ACAD10: variants seen among roughly 807,000 people sequenced by gnomAD.
ACAD10 encodes the protein acyl-CoA dehydrogenase family member 10, also known as ACAD-10.
In ACAD10, 112 loss-of-function variants were observed where a neutral mutation model predicts 116.8. The ratio of observed to expected loss-of-function variants is 0.96; its 90% CI spans 0.82 to 1.12. The LOEUF (loss-of-function observed/expected upper bound fraction) is 1.12. Among genes scored for constraint, ACAD10 ranks in the 50% most tolerant of loss-of-function variants. The pLI, the probability that ACAD10 is intolerant of heterozygous loss-of-function variation, is 0.00. For missense variants in ACAD10, 1,259 were observed against 1,350.2 expected (o/e 0.93, Z 1.06); for synonymous variants, 486 against 510.6 (o/e 0.95, Z 0.65).
chr12:111,746,810 G>A (rs1028617337), intron 14 of ACAD10, among the ~76,000 whole-genome samples: 2 of 152,210 alleles, frequency 1.3e-5, no homozygotes, highest in African/African-American at 4.8e-5. Context: ...ACACCAGCGT[G>A]TGCAACATAG....
At chr12:111,716,230 G>A (rs1566150726) in intron 7 of ACAD10, among the ~76,000 whole-genome samples, 2 of 151,970 alleles carry the variant, frequency 1.3e-5, no homozygotes, top group East Asian at 3.9e-4. Flanking sequence ...AAAAAGCCTG[G>A]GTGTGCTGGC....
Position 111,746,137 on chromosome 12 carries a change from A to G in ACAD10, c.2116-7A>G. 6.2e-7 allele frequency: 1 copy of G among 1,604,222 alleles called. No homozygotes were observed. Among genetic ancestry groups the G allele is most frequent in the Admixed American group, 1.8e-5 (1 of 56,214 alleles). ...TGTGGTTTCCTGACTTATTTTCCCC[A>G]TGATAGGAGAAAGCCAAAGCTGAAG... On this transcript the variant is annotated splice_polypyrimidine_tract_variant and splice_region_variant and intron_variant, in intron 13 of 20. Coordinates refer to ENST00000313698, the MANE Select transcript of ACAD10 (RefSeq NM_025247.6).
intron 8 of ACAD10, among the ~76,000 whole-genome samples, chr12:111,723,300 G>A (rs1282103845): frequency 4.4e-5 from 6 of 137,188 alleles, no homozygotes; most frequent in African/African-American, 8.2e-5. Flanking sequence ...CCCAGACGGG[G>A]CGGCTGGCCG....
intron 2 of ACAD10, 71 bp from the exon 3 acceptor site, chr12:111,702,091 A>G (rs1566143472): frequency 6.7e-7 from 1 of 1,501,972 alleles, no homozygotes; most frequent in East Asian, 2.3e-5. Flanking sequence ...CTGGTATGGT[A>G]ATTTTCCTGA....
chr12:111,711,906 G>T (rs948158215), intron 5 of ACAD10, among the ~76,000 whole-genome samples: 3 of 152,172 alleles, frequency 2.0e-5, no homozygotes, highest in African/African-American at 7.2e-5. Context: ...ATTTGCCTTG[G>T]CCTGCTAATA....
In ACAD10 at chr12:111,709,574, T is replaced by A; in HGVS notation, c.580T>A (p.Tyr194Asn). Residue 194 changes from tyrosine (Y) to asparagine (N), a missense_variant, in exon 5 of 21, where the codon TAC (tyrosine) becomes AAC (asparagine). Physicochemically the swap from Tyr to Asn is moderately radical, Grantham distance 143. Transcript: ENST00000313698. Reference protein sequence around the residue: ...EGICKPDPRIYKLCLEQLGLQ... With the variant: ...EGICKPDPRINKLCLEQLGLQ... ...GATCTGTAAGCCAGACCCTAGGATC[T>A]ACAAGCTGTGCTTGGAGCAGCTCGG... 5.6e-6 allele frequency: 9 copies of A among 1,613,562 alleles called. No homozygotes were observed. The highest frequency in any genetic ancestry group is 7.6e-6 in the Non-Finnish European group (9 of 1,179,780).
chr12:111,731,583 C>T (rs553844068), intron 10 of ACAD10, among the ~76,000 whole-genome samples: 12 of 152,276 alleles, frequency 7.9e-5, no homozygotes, highest in Admixed American at 5.9e-4. Flanking sequence ...GTCTGAGCAC[C>T]CCCTCCCCTA....
At chr12:111,735,045 A>C (rs1442399828) in intron 11 of ACAD10, among the ~76,000 whole-genome samples, 2 of 152,030 alleles carry the variant, frequency 1.3e-5, no homozygotes, top group African/African-American at 4.8e-5. Flanking sequence ...AACATGGTGA[A>C]ACCCCGTCTC....
chr12:111,751,848 C>T (rs1277203652), intron 18 of ACAD10, among the ~76,000 whole-genome samples: 1 of 151,620 alleles, frequency 6.6e-6, no homozygotes. Context: ...CACCTGAGGT[C>T]GGGAGTTCGA....
chr12:111,744,532 C>A, intron 12 of ACAD10, 111 bp from the exon 13 acceptor site: 1 of 1,341,590 alleles, frequency 7.5e-7, no homozygotes, highest in South Asian at 1.4e-5. Flanking sequence ...TGGTACTTAG[C>A]AAGTGCTCAG....
chr12:111,746,855 G>A (rs1307874586), intron 14 of ACAD10, among the ~76,000 whole-genome samples, 194 bp from the exon 15 acceptor site: 2 of 152,128 alleles, frequency 1.3e-5, no homozygotes, highest in Non-Finnish European at 2.9e-5. Flanking sequence ...AAAATTAATC[G>A]GGTGTGATGG....
intron 8 of ACAD10, among the ~76,000 whole-genome samples, chr12:111,724,890 A>AGGGAGAGGGAGACCGTG (rs1889169422): frequency 6.6e-6 from 1 of 150,474 alleles, no homozygotes; most frequent in South Asian, 2.1e-4. Flanking sequence ...GTGGAAAGAG[A>AGGGAGAGGGAGACCGTG]GGGAGAGGGA....
At chr12:111,722,587 C>G (rs999974839) in intron 8 of ACAD10, among the ~76,000 whole-genome samples, 1 of 151,650 alleles carries the variant, frequency 6.6e-6, no homozygotes, top group African/African-American at 2.4e-5. Context: ...GGTGATGACT[C>G]TTAACGAGCA....
At chr12:111,748,675 A>AT (rs1220924842) in intron 17 of ACAD10, 200 bp downstream of exon 17, 8 of 669,424 alleles carry the variant, frequency 1.2e-5, no homozygotes, top group Admixed American at 6.0e-5. Flanking sequence ...GCATTTATGG[A>AT]TTTTTTTCCC....
chr12:111,718,334 C>T (rs967481154), intron 7 of ACAD10, among the ~76,000 whole-genome samples: 3 of 152,066 alleles, frequency 2.0e-5, no homozygotes, highest in African/African-American at 7.3e-5. Context: ...CAGGCGTGAG[C>T]CACTATGCCC....
At chr12:111,704,899 G>A (rs1423000916) in intron 3 of ACAD10, among the ~76,000 whole-genome samples, 1 of 151,860 alleles carries the variant, frequency 6.6e-6, no homozygotes, top group African/African-American at 2.4e-5. Context: ...ATGTTAGCCA[G>A]GATGGTCTCG....
intron 9 of ACAD10, among the ~76,000 whole-genome samples, chr12:111,729,174 A>G (rs186018742): frequency 5.1e-4 from 78 of 152,326 alleles, no homozygotes; most frequent in Non-Finnish European, 6.5e-4. Context: ...TCCAGGGTTC[A>G]TGTGCTCAGC....
chr12:111,728,050 A>G lies in ACAD10; in HGVS notation c.1150A>G (p.Arg384Gly), dbSNP rs1418042649. 3 of 1,614,070 alleles carry G rather than the reference A, an allele frequency of 1.9e-6. No individual in the cohort carries two copies. Among genetic ancestry groups the G allele is most frequent in the East Asian group, 2.2e-5 (1 of 44,896 alleles). Residue 384 changes from arginine to glycine, a missense_variant, in exon 9 of 21, where the codon AGA becomes GGA. Transcript: ENST00000313698. Reference protein sequence around the residue: ...PSLPGLEPSHRRAIYTAMNTV... With the variant: ...PSLPGLEPSHGRAIYTAMNTV... ...CCTGCCAGGCTTGGAGCCCAGCCAC[A>G]GACGAGCCATATACACTGCCATGAA...
chr12:111,688,750 C>T (rs187756537), intron 1 of ACAD10, among the ~76,000 whole-genome samples: 1 of 148,054 alleles, frequency 6.8e-6, no homozygotes, highest in Non-Finnish European at 1.5e-5. Flanking sequence ...TGCAGTGAGC[C>T]GAGATCACAC....
Sources: gnomAD v4.1 joint callset for allele counts (sites outside exome capture counted in the v4.1 genomes callset) on GRCh38, gnomAD v4.1.1 for gene constraint, MANE v1.5 for transcripts, NCBI Gene and HGNC (gene_info 2026-07-23, HGNC 2026-07-21) for gene names.